STK40: variants seen among roughly 807,000 people sequenced by gnomAD.
STK40 encodes serine/threonine-protein kinase 40.
In STK40, 13 loss-of-function variants were observed where a neutral mutation model predicts 47.9. That is an observed-to-expected ratio of 0.27 (90% confidence interval 0.18 to 0.43). The LOEUF (loss-of-function observed/expected upper bound fraction) is 0.43. Among genes scored for constraint, STK40 ranks in the 20% least tolerant of loss-of-function variants. The probability of loss-of-function intolerance (pLI) is 1.00; values close to 1 mark genes in which losing one functional copy is unlikely to be tolerated. For missense variants in STK40, 460 were observed against 595.1 expected (o/e 0.77, Z 2.36); for synonymous variants, 225 against 243.2 (o/e 0.93, Z 0.69).
At chr1:36,379,145 G>C (rs921387546) in intron 1 of STK40, among the ~76,000 whole-genome samples, 5 of 152,302 alleles carry the variant, frequency 3.3e-5, no homozygotes, top group African/African-American at 1.2e-4. Context: ...CTTGCATCCA[G>C]ACTTCCTAAA....
At position 36,385,869 on chromosome 1, in the gene STK40, C is replaced by CGCT. The variant is rs1647083518; in HGVS notation, c.-156_-155insAGC. 3 of 177,698 alleles carry CGCT rather than the reference C, an allele frequency of 1.7e-5. No homozygotes were observed. Among genetic ancestry groups the CGCT allele is most frequent in the African/African-American group, 7.2e-5 (3 of 41,566 alleles). The allele number at this position is 177,698 out of a possible 1,614,324, so 11.0% of individuals were successfully genotyped here. ...CCAGCGCAGCCACCCGAGCCGCCGC[C>CGCT]GCCGCCGCCGCCGCCTCCCTCCATG... On this transcript the variant is annotated 5_prime_UTR_variant, in exon 1 of 11. Coordinates refer to ENST00000373132, the MANE Select transcript of STK40 (RefSeq NM_001282547.2).
rs754042920 is a variant in STK40, at chr1:36,355,361, G to C, written c.415C>G (p.Leu139Val). ...MVKKMKKRIC[L>V]VLDCLCAHDF... Reference sequence around the variant, plus strand: ...TGAGCACAGAGGCAGTCCAGGACGAGGCAGATGCGCTTCTTCATCTTCTTA... The same window carrying C: ...TGAGCACAGAGGCAGTCCAGGACGACGCAGATGCGCTTCTTCATCTTCTTA... Residue 139 changes from leucine to valine, a missense_variant, in exon 5 of 11, where the codon CTC becomes GTC. Coordinates refer to ENST00000373132, the MANE Select transcript of STK40 (RefSeq NM_001282547.2). 1 of 1,614,180 alleles carries C rather than the reference G, an allele frequency of 6.2e-7. No individual in the cohort carries two copies. Among genetic ancestry groups the C allele is most frequent in the East Asian group, 2.2e-5 (1 of 44,866 alleles).
intron 7 of STK40, among the ~76,000 whole-genome samples, chr1:36,346,315 C>G (rs1485798428): frequency 2.0e-5 from 3 of 152,036 alleles, no homozygotes; most frequent in African/African-American, 4.8e-5. Context: ...TTATTTAATC[C>G]CTCAAGTACT....
chr1:36,376,663 A>C (rs530773313), intron 1 of STK40, among the ~76,000 whole-genome samples: 4 of 152,354 alleles, frequency 2.6e-5, no homozygotes, highest in African/African-American at 9.6e-5. Context: ...AGCCTTTCCG[A>C]CTAGGTCCAC....
chr1:36,378,201 C>G (rs1438439727), intron 1 of STK40, among the ~76,000 whole-genome samples: 1 of 152,166 alleles, frequency 6.6e-6, no homozygotes, highest in Non-Finnish European at 1.5e-5. Context: ...GGGGCTGGCT[C>G]TATGAGTCCA....
chr1:36,355,532 G>T, intron 4 of STK40, 99 bp from the exon 5 acceptor site: 1 of 1,292,838 alleles, frequency 7.7e-7, no homozygotes, highest in African/African-American at 1.5e-5. Flanking sequence ...TCAAACCAGT[G>T]AGGGAGCCTG....
At chr1:36,375,506 CAA>C (rs112337610) in intron 1 of STK40, among the ~76,000 whole-genome samples, 8 of 133,744 alleles carry the variant, frequency 6.0e-5, no homozygotes, top group Admixed American at 7.5e-5. Flanking sequence ...GACTCTGTCT[CAA>C]AAAAAAAAAA....
intron 1 of STK40, among the ~76,000 whole-genome samples, chr1:36,377,043 T>C (rs1646997891): frequency 6.6e-6 from 1 of 151,830 alleles, no homozygotes; most frequent in South Asian, 2.1e-4. Context: ...AGTGCTGGGA[T>C]TACTGGCATG....
rs1646627941 is a variant in STK40, at chr1:36,339,718, T to C, written c.*2037A>G. ...TTTATACAAACTTTTTTGTGACTTT[T>C]TCCGTTTCTTTACAATAGGACTTCT... On this transcript the variant is annotated 3_prime_UTR_variant, in exon 11 of 11. Transcript: ENST00000373132. The C allele has an allele frequency of 6.5e-6, 1 of 152,728 alleles. No homozygotes were observed. 9.5% of individuals were successfully genotyped at this position (152,728 alleles called of 1,614,324 possible).
In STK40 at chr1:36,344,267, A is replaced by G. The variant is rs746259188; in HGVS notation, c.740-3T>C. ...GGGCTTGCCACGGTACGGCCGGCCT[A>G]CGGGCACACACATACCACACTGTCT... On this transcript the variant is annotated splice_region_variant and splice_polypyrimidine_tract_variant and intron_variant, in intron 7 of 10. Transcript: ENST00000373132. 5.7e-6 allele frequency: 9 copies of G among 1,592,306 alleles called. No homozygotes were observed. Among genetic ancestry groups the G allele is most frequent in the Middle Eastern group, 3.4e-4 (2 of 5,962 alleles).
intron 4 of STK40, among the ~76,000 whole-genome samples, chr1:36,356,391 G>T (rs2124735043): frequency 6.6e-6 from 1 of 151,508 alleles, no homozygotes; most frequent in South Asian, 2.1e-4. Flanking sequence ...ACTCCTGAAG[G>T]ACTGAATATC....
intron 1 of STK40, among the ~76,000 whole-genome samples, chr1:36,364,485 A>C (rs758622324): frequency 1.3e-5 from 2 of 152,148 alleles, no homozygotes; most frequent in Non-Finnish European, 2.9e-5. Context: ...TCTGAGGTTG[A>C]ATTTGTTTCA....
At chr1:36,364,780 G>A (rs537091507) in intron 1 of STK40, among the ~76,000 whole-genome samples, 2 of 151,936 alleles carry the variant, frequency 1.3e-5, no homozygotes, top group African/African-American at 2.4e-5. Context: ...GCAACGTTGC[G>A]AGACCCATCT....
At chr1:36,345,776 A>C (rs1570434473) in intron 7 of STK40, among the ~76,000 whole-genome samples, 2 of 151,376 alleles carry the variant, frequency 1.3e-5, no homozygotes, top group Non-Finnish European at 2.9e-5. Context: ...TGCTTCCAGG[A>C]CCTGTGTAGG....
chr1:36,343,361 C>T lies in STK40; in HGVS notation c.1089+3G>A. The T allele has an allele frequency of 6.2e-7, 1 of 1,611,626 alleles. No homozygotes were observed. Among genetic ancestry groups the T allele is most frequent in the Non-Finnish European group, 8.5e-7 (1 of 1,178,702 alleles). On this transcript the variant is annotated splice_donor_region_variant and intron_variant, in intron 10 of 10. Transcript: ENST00000373132. ...AATGGCCCATCTGCCCTCCCCAACT[C>T]ACCTCCTGGGAGCTATCCGCATTGC...
chr1:36,357,921 C>T lies in STK40; in HGVS notation c.342+318G>A, dbSNP rs530244431. Among the ~76,000 whole-genome samples the T allele has an allele frequency of 8.9e-4, 135 of 152,282 alleles. 1 individual carries two copies. The highest frequency in any genetic ancestry group is 2.7e-3 in the African/African-American group (114 of 41,564). On this transcript the variant is annotated intron_variant, in intron 4 of 10. Coordinates refer to ENST00000373132, the MANE Select transcript of STK40 (RefSeq NM_001282547.2). ...TGAGCCACCGTGCCTGGCCTGGGCC[C>T]GGGTGTCTTTAAGTGACTTCTTGCT...
intron 1 of STK40, among the ~76,000 whole-genome samples, chr1:36,385,487 T>A (rs980345983): frequency 6.6e-6 from 1 of 152,200 alleles, no homozygotes; most frequent in African/African-American, 2.4e-5. Context: ...TTCCCAGAGC[T>A]GCGGCGGGGA....
intron 6 of STK40, among the ~76,000 whole-genome samples, chr1:36,350,201 T>A (rs1311087363): frequency 6.6e-6 from 1 of 152,204 alleles, no homozygotes; most frequent in Non-Finnish European, 1.5e-5. Context: ...CGCAGGCGGC[T>A]AGAGCCTGAT....
At chr1:36,377,198 T>C (rs1403447099) in intron 1 of STK40, among the ~76,000 whole-genome samples, 1 of 152,158 alleles carries the variant, frequency 6.6e-6, no homozygotes, top group African/African-American at 2.4e-5. Context: ...CTAACAATAC[T>C]TTTTTAAAAT....
Sources: allele counts gnomAD v4.1 joint callset (sites outside exome capture counted in the v4.1 genomes callset), GRCh38; gene constraint gnomAD v4.1.1; transcripts MANE v1.5; gene names NCBI Gene and HGNC (gene_info 2026-07-23, HGNC 2026-07-21).